Variants in SLC37A1 observed in about 807,000 individuals in gnomAD.
SLC37A1 encodes the protein solute carrier family 37 member 1, also known as glucose-6-phosphate exchanger SLC37A1.
In SLC37A1, 49 loss-of-function variants were observed where a neutral mutation model predicts 75.3. The ratio of observed to expected loss-of-function variants is 0.65; its 90% CI spans 0.52 to 0.83. The LOEUF is 0.83. Among genes scored for constraint, SLC37A1 ranks in the 40% least tolerant of loss-of-function variants. SLC37A1 has a pLI of 0.00. For synonymous variants in SLC37A1, 268 were observed against 292.1 expected (o/e 0.92, Z 0.84); for missense variants, 566 against 695.0 (o/e 0.81, Z 2.09).
rs2056399785 is a variant in SLC37A1, at chr21:42,580,285, C to T, written c.1587-60C>T. On this transcript the variant is annotated intron_variant, in intron 19 of 19. Transcript: ENST00000352133. ...TTTGCACATGGTGTGTGAAGTTCAG[C>T]ATCTCTTGCTGAGCCACTGCTGGCT... The T allele has an allele frequency of 1.9e-6, 3 of 1,585,524 alleles. No homozygotes were observed. In the East Asian group the frequency reaches 6.8e-5, roughly 36 times the overall value.
Position 42,561,942 on chromosome 21 carries a change from G to A in SLC37A1, c.982-136G>A, listed in dbSNP as rs538403259. 2.2e-5 allele frequency: 16 copies of A among 713,412 alleles called. No individual in the cohort carries two copies. In the East Asian group the frequency reaches 3.6e-4, roughly 16 times the overall value. 44.2% of individuals were successfully genotyped at this position (713,412 alleles called of 1,614,324 possible). A position where few individuals can be genotyped will look rare whatever the true frequency, so the allele number is the denominator to read the frequency against. ...AGCGGTGCAGCACCCTCCCCAGTAC[G>A]TGTCTGGAGGTGCTAAAGCCAGACC... is the stretch of plus-strand genomic sequence containing the variant. On this transcript the variant is annotated intron_variant, in intron 11 of 19. Transcript: ENST00000352133.
In SLC37A1 at chr21:42,565,824, C is replaced by T. The variant is rs767116718; in HGVS notation, c.1222-3C>T. The T allele has an allele frequency of 3.7e-6, 6 of 1,613,780 alleles. No homozygotes were observed. Among genetic ancestry groups the T allele is most frequent in the Non-Finnish European group, 5.1e-6 (6 of 1,179,804 alleles). On this transcript the variant is annotated splice_region_variant and splice_polypyrimidine_tract_variant and intron_variant, in intron 14 of 19. Transcript: ENST00000352133. ...CTTTGACCTTGTGTCTTGATGTCCA[C>T]AGCTCTACATCTTCTCCACCGTCAG... is the stretch of plus-strand genomic sequence containing the variant.
At chr21:42,526,022 A>G in intron 3 of SLC37A1, 165 bp downstream of exon 3, 1 of 564,312 alleles carries the variant, frequency 1.8e-6, no homozygotes, top group East Asian at 2.8e-5. Context: ...TGCTAAAATT[A>G]AAGTCTTTTA....
At chr21:42,567,110 A>G in intron 16 of SLC37A1, 52 bp downstream of exon 16, 6 of 1,586,894 alleles carry the variant, frequency 3.8e-6, no homozygotes, top group Non-Finnish European at 5.1e-6. Context: ...GCCATGTGCC[A>G]TTCATGACAA....
chr21:42,537,070 A>G (rs1240126211), intron 5 of SLC37A1, among the ~76,000 whole-genome samples: 1 of 152,194 alleles, frequency 6.6e-6, no homozygotes, highest in African/African-American at 2.4e-5. Flanking sequence ...AGAGTGTAGG[A>G]TCATCAAGAC....
At chr21:42,540,069 G>T (rs1287868208) in intron 6 of SLC37A1, among the ~76,000 whole-genome samples, 1 of 152,012 alleles carries the variant, frequency 6.6e-6, no homozygotes, top group Non-Finnish European at 1.5e-5. Context: ...CCAGGGGAGC[G>T]CCCCAAACCA....
chr21:42,557,821 C>CT (rs5844126), intron 10 of SLC37A1, among the ~76,000 whole-genome samples: 21,208 of 151,498 alleles, frequency 0.14, 2,130 homozygotes, highest in African/African-American at 0.28. Context: ...TTTAGTCCAA[C>CT]TTATAACAGG....
intron 1 of SLC37A1, among the ~76,000 whole-genome samples, chr21:42,500,397 A>G (rs991429877): frequency 1.3e-5 from 2 of 152,222 alleles, no homozygotes; most frequent in African/African-American, 4.8e-5. Flanking sequence ...CTAGCTCCGT[A>G]TACTTCTTTC....
intron 3 of SLC37A1, among the ~76,000 whole-genome samples, chr21:42,530,711 G>C (rs1261237350): frequency 6.7e-6 from 1 of 150,024 alleles, no homozygotes; most frequent in Admixed American, 6.7e-5. Context: ...CTGTCCTCCA[G>C]GGGGATTCAG....
At chr21:42,535,641 C>G in intron 5 of SLC37A1, 91 bp downstream of exon 5, 1 of 1,157,616 alleles carries the variant, frequency 8.6e-7, no homozygotes, top group Non-Finnish European at 1.3e-6. Flanking sequence ...CACAGGCGCG[C>G]GGGATTGAGG....
chr21:42,507,180 GC>G (rs1170709697), intron 2 of SLC37A1, among the ~76,000 whole-genome samples: 1 of 152,190 alleles, frequency 6.6e-6, no homozygotes, highest in Non-Finnish European at 1.5e-5. Flanking sequence ...ACCACACCCA[GC>G]CCAATAAGTT....
At chr21:42,579,656 C>A in intron 18 of SLC37A1, 80 bp from the exon 19 acceptor site, 2 of 1,478,468 alleles carry the variant, frequency 1.4e-6, no homozygotes, top group Non-Finnish European at 1.9e-6. Context: ...CCTTGCGGGC[C>A]AGGTCCTCAT....
chr21:42,565,102 C>T (rs555007305), intron 14 of SLC37A1, among the ~76,000 whole-genome samples: 1 of 152,378 alleles, frequency 6.6e-6, no homozygotes, highest in South Asian at 2.1e-4. Flanking sequence ...ACCTCCCCAA[C>T]CTCTTAGGCA....
rs1400248400 is a variant in SLC37A1, at chr21:42,554,984, T to TG, written c.849+842_849+843insG. On this transcript the variant is annotated intron_variant, in intron 10 of 19. Coordinates refer to ENST00000352133, the MANE Select transcript of SLC37A1 (RefSeq NM_001320537.2). ...TTTGTTTGTTTGGTTGGTTGGTTGTTTTTTTTTTTTTTTTTTTTTGAGACA... is the reference window on the plus strand; with the variant it reads ...TTTGTTTGTTTGGTTGGTTGGTTGTTGTTTTTTTTTTTTTTTTTTTGAGACA... Among the ~76,000 whole-genome samples, 181 of 95,116 alleles carry TG rather than the reference T, an allele frequency of 1.9e-3. 1 individual carries two copies. Among genetic ancestry groups the TG allele is most frequent in the African/African-American group, 0.014 (172 of 12,564 alleles). 62.4% of individuals were successfully genotyped at this position (95,116 alleles called of 152,430 possible). A position where few individuals can be genotyped will look rare whatever the true frequency, so the allele number is the denominator to read the frequency against.
chr21:42,567,325 A>G (rs2056006339), intron 16 of SLC37A1, among the ~76,000 whole-genome samples: 1 of 152,212 alleles, frequency 6.6e-6, no homozygotes, highest in African/African-American at 2.4e-5. Context: ...CGCCTTTTCA[A>G]TCCAAGGGGG....
At position 42,514,885 on chromosome 21, in the gene SLC37A1, G is replaced by GTGCC. The variant is rs200142719; in HGVS notation, c.-179+185_-179+188dup. On this transcript the variant is annotated intron_variant, in intron 1 of 19. Transcript: ENST00000352133. The surrounding 1 kb of genome is among the most constrained non-coding windows in gnomAD (Gnocchi z 4.8). ...TCTCCCTTAGCTCTTTGCCTGGAAGGTGCCTGCCTGCCTGCCTGCCGGCCC... is the reference window on the plus strand; with the variant it reads ...TCTCCCTTAGCTCTTTGCCTGGAAGGTGCCTGCCTGCCTGCCTGCCTGCCGGCCC... 8,430 of 152,478 alleles carry GTGCC rather than the reference G, an allele frequency of 0.055. 273 individuals carry two copies. The highest frequency in any genetic ancestry group is 0.11 in the Middle Eastern group (31 of 294). 9.4% of individuals were successfully genotyped at this position (152,478 alleles called of 1,614,324 possible).
chr21:42,500,768 G>A (rs549168463), intron 1 of SLC37A1, among the ~76,000 whole-genome samples: 46 of 152,334 alleles, frequency 3.0e-4, no homozygotes, highest in African/African-American at 1.0e-3. Flanking sequence ...AGGGTGGGGA[G>A]AGACTGAAGC....
At chr21:42,556,491 G>A (rs1017526169) in intron 10 of SLC37A1, among the ~76,000 whole-genome samples, 8 of 152,222 alleles carry the variant, frequency 5.3e-5, no homozygotes, top group Admixed American at 4.6e-4. Flanking sequence ...TAGATAAAGC[G>A]ATCGTTATTA....
At chr21:42,568,546 G>A (rs1330063550) in intron 17 of SLC37A1, 108 bp downstream of exon 17, 1 of 1,084,804 alleles carries the variant, frequency 9.2e-7, no homozygotes, top group Non-Finnish European at 1.4e-6. Flanking sequence ...ATAACATTGG[G>A]TGGGCCGGCT....
Sources: gnomAD v4.1 joint callset for allele counts (sites outside exome capture counted in the v4.1 genomes callset) on GRCh38, gnomAD v4.1.1 for gene constraint, Gnocchi (gnomAD v3.1) non-coding constraint, MANE v1.5 for transcripts, NCBI Gene and HGNC (gene_info 2026-07-23, HGNC 2026-07-21) for gene names.